Variants in LRCH1 observed in about 807,000 individuals in gnomAD.
LRCH1 encodes the protein leucine-rich repeat and calponin homology domain-containing protein 1.
A neutral mutation model predicts 94.9 loss-of-function variants in LRCH1; 23 were observed. The observed-to-expected ratio is 0.24, with a 90% CI of 0.17 to 0.34. The LOEUF (loss-of-function observed/expected upper bound fraction) is 0.34, where lower values mean the gene tolerates loss of function less well. Ranked by LOEUF, LRCH1 falls within the 10% of genes least tolerant of loss-of-function variation. The pLI is 1.00. For synonymous variants in LRCH1, 364 were observed against 354.9 expected (o/e 1.03, Z -0.29); for missense variants, 790 against 945.9 (o/e 0.84, Z 2.16).
Position 46,553,235 on chromosome 13 carries a change from C to A in LRCH1, c.-162C>A, listed in dbSNP as rs969581663. On this transcript the variant is annotated 5_prime_UTR_variant, in exon 1 of 20. Coordinates refer to ENST00000389797, the MANE Select transcript of LRCH1 (RefSeq NM_001164211.2). ...GAGCTGCCACGGCCGCCTCCCCGCC[C>A]GCCCCCCATTCTACGCGCCTGCCCA... 4 of 504,910 alleles carry A rather than the reference C, an allele frequency of 7.9e-6. No individual in the cohort carries two copies. The East Asian group carries it at 1.6e-4, about 20-fold the overall frequency. 31.3% of individuals were successfully genotyped at this position (504,910 alleles called of 1,614,324 possible). A position where few individuals can be genotyped will look rare whatever the true frequency, so the allele number is the denominator to read the frequency against.
intron 3 of LRCH1, among the ~76,000 whole-genome samples, chr13:46,677,385 G>A (rs1284986069): frequency 6.6e-5 from 10 of 151,890 alleles, no homozygotes; most frequent in South Asian, 4.1e-4. Context: ...AGCCAAGATC[G>A]CGCCATCGCA....
At chr13:46,613,527 T>A (rs966772540) in intron 1 of LRCH1, among the ~76,000 whole-genome samples, 4 of 152,036 alleles carry the variant, frequency 2.6e-5, no homozygotes, top group Non-Finnish European at 4.4e-5. Context: ...CAGCCTCCCA[T>A]GTGGTTTTGG....
chr13:46,679,441 T>C (rs1162414992), intron 3 of LRCH1, among the ~76,000 whole-genome samples: 2 of 152,210 alleles, frequency 1.3e-5, no homozygotes, highest in Non-Finnish European at 2.9e-5. Context: ...TCTTCTCCCA[T>C]GTGGAAATAC....
At chr13:46,699,164 T>C (rs1455767904) in intron 9 of LRCH1, among the ~76,000 whole-genome samples, 172 bp from the exon 10 acceptor site, 1 of 152,244 alleles carries the variant, frequency 6.6e-6, no homozygotes, top group East Asian at 1.9e-4. Context: ...AATATTCTAG[T>C]GCATGTACAT....
intron 2 of LRCH1, among the ~76,000 whole-genome samples, chr13:46,666,924 C>CCCTA (rs1320903638): frequency 7.9e-5 from 12 of 152,112 alleles, no homozygotes; most frequent in Admixed American, 6.5e-4. Flanking sequence ...AGGCTGCTGG[C>CCCTA]CCTAGCTCCT....
In LRCH1 at chr13:46,743,145, C is replaced by G; in HGVS notation, c.*1297C>G. The G allele has an allele frequency of 5.1e-6, 5 of 985,446 alleles. No individual in the cohort carries two copies. In the African/African-American group the frequency reaches 7.0e-5, roughly 14 times the overall value. The allele number at this position is 985,446 out of a possible 1,614,324, so 61.0% of individuals were successfully genotyped here. On this transcript the variant is annotated 3_prime_UTR_variant, in exon 20 of 20. Coordinates refer to ENST00000389797, the MANE Select transcript of LRCH1 (RefSeq NM_001164211.2). ...TTTCTTAGCTTGGGGAGATGATGGA[C>G]TTAGCTTCCTCAAGATAAATTTCTA...
At chr13:46,619,649 G>A (rs2050857713) in intron 1 of LRCH1, among the ~76,000 whole-genome samples, 2 of 152,164 alleles carry the variant, frequency 1.3e-5, no homozygotes, top group South Asian at 2.1e-4. Context: ...GAAATCACAC[G>A]CGAAGCTCTG....
intron 1 of LRCH1, 65 bp downstream of exon 1, chr13:46,553,768 T>C: frequency 6.3e-7 from 1 of 1,577,624 alleles, no homozygotes; most frequent in Non-Finnish European, 8.6e-7. Context: ...GTGCGTTCCC[T>C]AACGCGGTGG....
chr13:46,683,326 C>T (rs1870438475), intron 4 of LRCH1, among the ~76,000 whole-genome samples: 2 of 152,224 alleles, frequency 1.3e-5, no homozygotes, highest in African/African-American at 2.4e-5. Context: ...TGCCATCTTT[C>T]ACCTTTCTCA....
intron 1 of LRCH1, among the ~76,000 whole-genome samples, chr13:46,647,281 A>G (rs2051234322): frequency 1.3e-5 from 2 of 152,250 alleles, no homozygotes; most frequent in Admixed American, 1.3e-4. Flanking sequence ...CAGCATTACA[A>G]TGTGTTTATC....
chr13:46,701,065 A>G (rs1375487735), intron 10 of LRCH1, 56 bp from the exon 11 acceptor site: 13 of 1,037,410 alleles, frequency 1.3e-5, no homozygotes, highest in Admixed American at 6.1e-5. Context: ...AAGAAATTAG[A>G]TGATATTCAT....
intron 1 of LRCH1, among the ~76,000 whole-genome samples, chr13:46,647,917 T>G (rs2051243761): frequency 6.6e-6 from 1 of 152,122 alleles, no homozygotes; most frequent in Admixed American, 6.5e-5. Context: ...CCCAACCTTT[T>G]TGGCACCAGG....
intron 1 of LRCH1, among the ~76,000 whole-genome samples, chr13:46,562,394 G>C (rs1032513736): frequency 1.4e-4 from 22 of 152,100 alleles, no homozygotes; most frequent in African/African-American, 4.8e-4. Flanking sequence ...CTCTCTCTTG[G>C]CTTACAGGTG....
At chr13:46,696,176 G>A (rs561186379) in intron 9 of LRCH1, among the ~76,000 whole-genome samples, 6 of 149,176 alleles carry the variant, frequency 4.0e-5, no homozygotes, top group Admixed American at 2.0e-4. Flanking sequence ...CTGCACCCGC[G>A]TGCATGCATG....
At chr13:46,586,570 C>T (rs1163154735) in intron 1 of LRCH1, among the ~76,000 whole-genome samples, 1 of 152,190 alleles carries the variant, frequency 6.6e-6, no homozygotes, top group East Asian at 1.9e-4. Context: ...GCACACGCCA[C>T]CAACACCCAA....
intron 1 of LRCH1, among the ~76,000 whole-genome samples, chr13:46,565,498 G>A (rs1438214084): frequency 2.0e-5 from 3 of 151,956 alleles, no homozygotes; most frequent in Admixed American, 6.6e-5. Flanking sequence ...TCAATTCAAC[G>A]GTGTTCTTAG....
intron 16 of LRCH1, chr13:46,717,324 C>G (rs1249494806): frequency 6.6e-6 from 1 of 152,058 alleles, no homozygotes; most frequent in Non-Finnish European, 1.5e-5. Flanking sequence ...ATAAAATAAC[C>G]TTGCAATAGT....
At chr13:46,601,918 G>A (rs1279891275) in intron 1 of LRCH1, among the ~76,000 whole-genome samples, 3 of 152,206 alleles carry the variant, frequency 2.0e-5, no homozygotes, top group Non-Finnish European at 2.9e-5. Flanking sequence ...TAGGAGAAAA[G>A]AGCTTGTTTA....
In LRCH1 at chr13:46,642,053, C is replaced by T. The variant is rs138867883; in HGVS notation, c.308-8148C>T. ...GTGGCCCAGCTCCACGCTGCAGAGC[C>T]AGACCTAGGCTGGGATTCCAGCAGG... On this transcript the variant is annotated intron_variant, in intron 1 of 19. Coordinates refer to ENST00000389797, the MANE Select transcript of LRCH1 (RefSeq NM_001164211.2). Among the ~76,000 whole-genome samples the T allele has an allele frequency of 5.7e-4, 87 of 152,374 alleles. No homozygotes were observed. In the East Asian group the frequency reaches 0.014, roughly 25 times the overall value.
Sources: allele counts gnomAD v4.1 joint callset (sites outside exome capture counted in the v4.1 genomes callset), GRCh38; gene constraint gnomAD v4.1.1; transcripts MANE v1.5; gene names NCBI Gene and HGNC (gene_info 2026-07-23, HGNC 2026-07-21).